The following FBXL2 variants were observed in gnomAD, a reference collection of about 807,000 sequenced individuals.
FBXL2 encodes F-box/LRR-repeat protein 2.
Under a neutral mutation model 69.2 loss-of-function variants are expected in FBXL2, and 38 were observed. The ratio of observed to expected loss-of-function variants is 0.55; its 90% CI spans 0.42 to 0.72. The LOEUF (loss-of-function observed/expected upper bound fraction) is 0.72, where lower values mean the gene tolerates loss of function less well. Among genes scored for constraint, FBXL2 ranks in the 30% least tolerant of loss-of-function variants. The pLI, the probability that FBXL2 is intolerant of heterozygous loss-of-function variation, is 0.00. For synonymous variants in FBXL2, 192 were observed against 201.3 expected, an observed-to-expected ratio of 0.95 and a Z score of 0.39; for missense variants, 354 against 520.3, an observed-to-expected ratio of 0.68 and a Z score of 3.11.
At chr3:33,407,098 A>C (rs2044447253), downstream of FBXL2, among the ~76,000 whole-genome samples, 2 of 152,170 alleles carry the variant, frequency 1.3e-5, no homozygotes, top group African/African-American at 4.8e-5. Flanking sequence ...TTAAGTGACA[A>C]TCTGTACCCT....
chr3:33,327,050 A>T (rs2038753885), intron 2 of FBXL2, among the ~76,000 whole-genome samples: 1 of 152,184 alleles, frequency 6.6e-6, no homozygotes, highest in Non-Finnish European at 1.5e-5. Context: ...AGCTTGAGAG[A>T]AACTGCTGAT....
intron 2 of FBXL2, among the ~76,000 whole-genome samples, chr3:33,305,498 C>T (rs1219802116): frequency 6.6e-6 from 1 of 151,668 alleles, no homozygotes; most frequent in African/African-American, 2.4e-5. Flanking sequence ...TTTTGAGTGA[C>T]CAGGGCCCAC....
At chr3:33,338,576 G>A (rs899729099) in intron 2 of FBXL2, among the ~76,000 whole-genome samples, 2 of 152,078 alleles carry the variant, frequency 1.3e-5, no homozygotes, top group Admixed American at 1.3e-4. Context: ...TACAAAAACA[G>A]ACACTTAGAC....
At chr3:33,311,638 T>G (rs1032003234) in intron 2 of FBXL2, among the ~76,000 whole-genome samples, 1 of 152,086 alleles carries the variant, frequency 6.6e-6, no homozygotes, top group African/African-American at 2.4e-5. Context: ...GCTCTTTTTT[T>G]TTTGAGACAG....
intron 1 of FBXL2, among the ~76,000 whole-genome samples, chr3:33,295,558 A>G (rs2035652773): frequency 1.3e-5 from 2 of 152,306 alleles, no homozygotes; most frequent in Non-Finnish European, 2.9e-5. Flanking sequence ...TTCATGGACA[A>G]GTTTTTGTAT....
At chr3:33,413,091 A>G in the FBXL2 span, among the ~76,000 whole-genome samples, 3 of 152,212 alleles carry the variant, frequency 2.0e-5, no homozygotes, top group Admixed American at 1.3e-4. Context: ...TTGTTATTGC[A>G]ATTCAAAATT....
intron 2 of FBXL2, among the ~76,000 whole-genome samples, chr3:33,323,535 CACTT>C (rs2038413537): frequency 1.3e-5 from 2 of 152,172 alleles, no homozygotes; most frequent in South Asian, 4.1e-4. Flanking sequence ...GTTCAGCTCT[CACTT>C]ACGAGTGAGA....
At chr3:33,377,982 G>C in intron 11 of FBXL2, 121 bp from the exon 12 acceptor site, 1 of 919,102 alleles carries the variant, frequency 1.1e-6, no homozygotes, top group East Asian at 2.4e-5. Context: ...TAGGAAGAGG[G>C]CATACTTCTT....
chr3:33,420,940 T>C, the FBXL2 span, among the ~76,000 whole-genome samples: 13 of 152,138 alleles, frequency 8.5e-5, no homozygotes, highest in Admixed American at 2.0e-4. Flanking sequence ...ATTCTCCAAG[T>C]AGAATTTGGT....
chr3:33,364,044 G>C (rs1173460126), intron 4 of FBXL2, among the ~76,000 whole-genome samples: 1 of 152,142 alleles, frequency 6.6e-6, no homozygotes, highest in African/African-American at 2.4e-5. Context: ...CTTAATCATT[G>C]TTCATTGTTC....
intron 2 of FBXL2, among the ~76,000 whole-genome samples, chr3:33,316,204 T>C (rs1006936411): frequency 2.0e-5 from 3 of 151,846 alleles, no homozygotes; most frequent in African/African-American, 4.8e-5. Context: ...AATAAAGGTG[T>C]GCCCCACTAT....
At chr3:33,392,865 C>T, downstream of FBXL2, 1 of 409,590 alleles carries the variant, frequency 2.4e-6, no homozygotes, top group Non-Finnish European at 4.3e-6. Context: ...ACATTCCCTG[C>T]CGGCTCCAGT....
chr3:33,299,634 C>T (rs550900388), intron 2 of FBXL2, among the ~76,000 whole-genome samples: 2 of 152,120 alleles, frequency 1.3e-5, no homozygotes, highest in Admixed American at 6.5e-5. Flanking sequence ...GTAGTGATCA[C>T]ATTTCAGGGA....
chr3:33,293,996 A>G (rs542984858), intron 1 of FBXL2, among the ~76,000 whole-genome samples: 1 of 152,374 alleles, frequency 6.6e-6, no homozygotes, highest in African/African-American at 2.4e-5. Flanking sequence ...CAATAAATGT[A>G]AAAAGACTGA....
chr3:33,378,751 A>AG lies in FBXL2; in HGVS notation c.951+11dup. 3.1e-6 allele frequency: 5 copies of AG among 1,614,034 alleles called. No individual in the cohort carries two copies. Among genetic ancestry groups the AG allele is most frequent in the Non-Finnish European group, 4.2e-6 (5 of 1,179,978 alleles). On this transcript the variant is annotated intron_variant, in intron 13 of 14. Coordinates refer to ENST00000484457, the MANE Select transcript of FBXL2 (RefSeq NM_012157.5). Reference sequence around the variant, plus strand: ...TAAACTGCAAGCCCTGGTGAGTCTGAGTTTTTCTGACATTATTCACCTGTT... The same window carrying AG: ...TAAACTGCAAGCCCTGGTGAGTCTGAGGTTTTTCTGACATTATTCACCTGTT...
At chr3:33,415,032 G>A in the FBXL2 span, among the ~76,000 whole-genome samples, 1 of 152,134 alleles carries the variant, frequency 6.6e-6, no homozygotes, top group South Asian at 2.1e-4. Context: ...TATATTAAAT[G>A]TTTTTACATG....
chr3:33,381,119 C>T (rs1224249753), intron 13 of FBXL2, among the ~76,000 whole-genome samples: 1 of 152,074 alleles, frequency 6.6e-6, no homozygotes, highest in African/African-American at 2.4e-5. Context: ...TCTGATTTTC[C>T]TTAAATCAGT....
At chr3:33,353,803 G>A (rs2041000122) in intron 2 of FBXL2, among the ~76,000 whole-genome samples, 2 of 151,988 alleles carry the variant, frequency 1.3e-5, no homozygotes, top group Admixed American at 6.6e-5. Context: ...CGGGATGATC[G>A]AGTGAGCCCA....
chr3:33,370,357 G>T (rs71325140), intron 5 of FBXL2, among the ~76,000 whole-genome samples: 1 of 150,814 alleles, frequency 6.6e-6, no homozygotes, highest in Non-Finnish European at 1.5e-5. Flanking sequence ...GGCGGAGCTT[G>T]CAGTGAGCCG....
Sources: allele counts gnomAD v4.1 joint callset (sites outside exome capture counted in the v4.1 genomes callset), GRCh38; gene constraint gnomAD v4.1.1; transcripts MANE v1.5; gene names NCBI Gene and HGNC (gene_info 2026-07-23, HGNC 2026-07-21).